Variants in ATXN7 observed in about 807,000 individuals in gnomAD.
The protein encoded by ATXN7 is ataxin-7.
A neutral mutation model predicts 70.5 loss-of-function variants in ATXN7; 12 were observed. The observed-to-expected ratio is 0.17, with a 90% CI of 0.11 to 0.28. The LOEUF (loss-of-function observed/expected upper bound fraction) is 0.28. ATXN7 is among the 10% of genes least tolerant of loss of function. ATXN7 has a pLI of 1.00. For missense variants in ATXN7, 1,256 were observed against 1,131.7 expected (o/e 1.11, Z -1.58); for synonymous variants, 498 against 448.7 (o/e 1.11, Z -1.39).
At chr3:63,968,732 T>TGGA (rs1559650084) in intron 5 of ATXN7, among the ~76,000 whole-genome samples, 1 of 152,176 alleles carries the variant, frequency 6.6e-6, no homozygotes, top group East Asian at 1.9e-4. Context: ...AAGCTGATTC[T>TGGA]TGGGTGGATG....
At chr3:63,992,777 A>G (rs1328784899) in intron 11 of ATXN7, among the ~76,000 whole-genome samples, 2 of 152,200 alleles carry the variant, frequency 1.3e-5, no homozygotes, top group African/African-American at 4.8e-5. Context: ...GTCTACAGCA[A>G]CAAGGGACGT....
Position 63,881,261 on chromosome 3 carries a change from A to G in ATXN7, c.-111+17103A>G, listed in dbSNP as rs1481147213. 2.0e-5 allele frequency among the ~76,000 whole-genome samples: 3 copies of G among 150,152 alleles called. 1 individual carries two copies. The highest frequency in any genetic ancestry group is 4.8e-5 in the African/African-American group (2 of 41,396). On this transcript the variant is annotated intron_variant, in intron 1 of 12. Coordinates refer to ENST00000674280, the MANE Select transcript of ATXN7 (RefSeq NM_001377405.1). ...CCATGCCTTTTTGTGATTGAGTAGT[A>G]CCAATGCTGAGAATGCTGAGGTTGA... is the stretch of plus-strand genomic sequence containing the variant.
intron 5 of ATXN7, among the ~76,000 whole-genome samples, chr3:63,966,987 T>TC (rs2075235084): frequency 6.6e-6 from 1 of 152,210 alleles, no homozygotes; most frequent in Non-Finnish European, 1.5e-5. Context: ...TAGAACTCTG[T>TC]CACCTGGGCT....
chr3:63,971,405 T>C (rs1246908399), intron 5 of ATXN7, among the ~76,000 whole-genome samples: 1 of 152,154 alleles, frequency 6.6e-6, no homozygotes, highest in Non-Finnish European at 1.5e-5. Flanking sequence ...ATCAAGTGCC[T>C]GGGGAACATA....
chr3:63,876,460 G>A (rs1383081771), intron 1 of ATXN7, among the ~76,000 whole-genome samples: 9 of 152,148 alleles, frequency 5.9e-5, no homozygotes, highest in East Asian at 1.9e-4. Flanking sequence ...TAAAGGAATC[G>A]CTTGTTCAAA....
At chr3:63,885,879 T>C (rs1371488328) in intron 1 of ATXN7, among the ~76,000 whole-genome samples, 1 of 152,094 alleles carries the variant, frequency 6.6e-6, no homozygotes, top group African/African-American at 2.4e-5. Flanking sequence ...TAGCAGGGCA[T>C]GGTAGCATGC....
intron 5 of ATXN7, among the ~76,000 whole-genome samples, chr3:63,969,030 T>C (rs1474459050): frequency 6.6e-6 from 1 of 152,206 alleles, no homozygotes; most frequent in African/African-American, 2.4e-5. Context: ...GTTTCTGCTT[T>C]CGTTTTTGCA....
At chr3:63,904,000 A>G (rs1296531087) in intron 2 of ATXN7, 1 of 152,206 alleles carries the variant, frequency 6.6e-6, no homozygotes, top group Non-Finnish European at 1.5e-5. Context: ...GTGTATTCAC[A>G]GTATTGATTG....
At chr3:63,936,661 T>C (rs1221160763) in intron 4 of ATXN7, among the ~76,000 whole-genome samples, 1 of 152,148 alleles carries the variant, frequency 6.6e-6, no homozygotes, top group Admixed American at 6.5e-5. Flanking sequence ...CCCAATAACC[T>C]CCTGTTTGAC....
At chr3:63,996,641 A>AG in intron 12 of ATXN7, 158 bp downstream of exon 12, 1 of 801,602 alleles carries the variant, frequency 1.2e-6, no homozygotes, top group Non-Finnish European at 1.8e-6. Flanking sequence ...AAAAAAAAAA[A>AG]GGTTCACGGC....
chr3:63,979,493 G>A (rs1032341353), intron 5 of ATXN7, among the ~76,000 whole-genome samples: 2 of 152,124 alleles, frequency 1.3e-5, no homozygotes, highest in Non-Finnish European at 2.9e-5. Context: ...GAAAATCAGA[G>A]AGGTGCGGTG....
intron 1 of ATXN7, among the ~76,000 whole-genome samples, chr3:63,891,659 CAT>C (rs370268130): frequency 3.3e-5 from 5 of 152,194 alleles, no homozygotes; most frequent in Non-Finnish European, 5.9e-5. Flanking sequence ...GATTCAGTCA[CAT>C]GTCTCTACCT....
intron 1 of ATXN7, among the ~76,000 whole-genome samples, chr3:63,889,857 T>A (rs1277409445): frequency 1.3e-5 from 2 of 152,202 alleles, no homozygotes; most frequent in African/African-American, 2.4e-5. Context: ...TGGCCCTAGC[T>A]CCTAACATTT....
intron 4 of ATXN7, among the ~76,000 whole-genome samples, chr3:63,921,844 C>T (rs1349474410): frequency 2.0e-5 from 3 of 152,030 alleles, no homozygotes; most frequent in Non-Finnish European, 4.4e-5. Context: ...TGATATAATG[C>T]AGGTTATCAG....
intron 5 of ATXN7, among the ~76,000 whole-genome samples, chr3:63,963,973 C>G (rs2075175617): frequency 6.6e-6 from 1 of 151,974 alleles, no homozygotes; most frequent in Non-Finnish European, 1.5e-5. Context: ...TCTCTACCAG[C>G]CACTATGAGA....
chr3:63,945,336 T>C (rs1241371750), intron 4 of ATXN7, among the ~76,000 whole-genome samples: 1 of 152,258 alleles, frequency 6.6e-6, no homozygotes, highest in Non-Finnish European at 1.5e-5. Context: ...TTTTAGCTAC[T>C]GTGCTGGATT....
At chr3:63,925,495 G>A (rs1179494773) in intron 4 of ATXN7, among the ~76,000 whole-genome samples, 2 of 152,104 alleles carry the variant, frequency 1.3e-5, no homozygotes, top group Admixed American at 1.3e-4. Flanking sequence ...TGGGATCTAG[G>A]TTGCGTGCTC....
intron 10 of ATXN7, 41 bp from the exon 11 acceptor site, chr3:63,990,697 T>C (rs555369105): frequency 9.9e-6 from 16 of 1,613,840 alleles, no homozygotes; most frequent in East Asian, 4.5e-5. Flanking sequence ...GGCATGCCAG[T>C]GTGGGAGTCA....
chr3:63,948,707 A>G (rs944028783), intron 4 of ATXN7, among the ~76,000 whole-genome samples: 1 of 152,186 alleles, frequency 6.6e-6, no homozygotes, highest in Non-Finnish European at 1.5e-5. Context: ...GTTTCCATAT[A>G]CATGTGCTCA....
Sources: allele counts gnomAD v4.1 joint callset (sites outside exome capture counted in the v4.1 genomes callset), GRCh38; gene constraint gnomAD v4.1.1; transcripts MANE v1.5; gene names NCBI Gene and HGNC (gene_info 2026-07-23, HGNC 2026-07-21).